Variants in ITIH1 observed in about 807,000 individuals in gnomAD.
ITIH1 encodes the protein inter-alpha-trypsin inhibitor heavy chain 1, also known as inter-alpha-trypsin inhibitor heavy chain H1.
Under a neutral mutation model 104.6 loss-of-function variants are expected in ITIH1, and 94 were observed. The ratio of observed to expected loss-of-function variants is 0.90; its 90% CI spans 0.76 to 1.07. The LOEUF is 1.07. Ranked by LOEUF, ITIH1 falls within the 50% of genes least tolerant of loss-of-function variation. ITIH1 has a pLI of 0.00. For missense variants in ITIH1, 1,193 were observed against 1,181.4 expected, an observed-to-expected ratio of 1.01 and a Z score of -0.14; for synonymous variants, 455 against 464.4, an observed-to-expected ratio of 0.98 and a Z score of 0.26.
intron 8 of ITIH1, among the ~76,000 whole-genome samples, 158 bp from the exon 9 acceptor site, chr3:52,782,799 G>C (rs1241161480): frequency 6.6e-6 from 1 of 151,846 alleles, no homozygotes; most frequent in Non-Finnish European, 1.5e-5. Flanking sequence ...CCACCCCAAG[G>C]CCCGGCAGGA....
Position 52,791,550 on chromosome 3 carries a change from C to T in ITIH1, c.2528C>T (p.Ser843Phe). Residue 843 changes from serine to phenylalanine, a missense_variant, in exon 21 of 22, where the codon TCT (serine) becomes TTT (phenylalanine). By Grantham distance (155) the Ser-to-Phe change is radical. Coordinates refer to ENST00000273283, the MANE Select transcript of ITIH1 (RefSeq NM_002215.4). ...QFFHPIGFEV[S>F]DIHPGSDPTK... ...TTCCACCCCATCGGTTTTGAAGTGT[C>T]TGACATCCACCCAGGCTCTGACCCC... 2 of 1,614,138 alleles carry T rather than the reference C, an allele frequency of 1.2e-6. No individual in the cohort carries two copies. Among genetic ancestry groups the T allele is most frequent in the Non-Finnish European group, 1.7e-6 (2 of 1,180,020 alleles).
Position 52,786,838 on chromosome 3 carries a change from TCGAA to T in ITIH1, c.1734-106_1734-103del, listed in dbSNP as rs1180217029. 10 of 1,254,944 alleles carry T rather than the reference TCGAA, an allele frequency of 8.0e-6. No individual in the cohort carries two copies. The East Asian group carries it at 1.2e-4, about 15-fold the overall frequency. 77.7% of individuals were successfully genotyped at this position (1,254,944 alleles called of 1,614,324 possible). On this transcript the variant is annotated intron_variant, in intron 13 of 21. Transcript: ENST00000273283. ...ACCATGGGGGCTTAATACTTATGTG[TCGAA>T]TGAATGAATGAATGAATGAATGAAT...
rs2154108094 is a variant in ITIH1, at chr3:52,778,426, G to T, written c.225G>T (p.Val75=). The change falls in exon 3 of 22, where the codon GTG becomes GTT. Residue 75 remains valine (V), a synonymous_variant. Transcript: ENST00000273283. The stretch of plus-strand genomic sequence containing the variant: ...CCCACTATGTTGTCACCAGCCAAGT[G>T]GTCAACACTGCCAATGAAGCCAGGG... ...RFAHYVVTSQ[V]VNTANEAREV... 1 of 1,614,236 alleles carries T rather than the reference G, an allele frequency of 6.2e-7. No individual in the cohort carries two copies. Among genetic ancestry groups the T allele is most frequent in the Non-Finnish European group, 8.5e-7 (1 of 1,180,046 alleles).
At chr3:52,782,536 G>A (rs1211146465) in intron 8 of ITIH1, among the ~76,000 whole-genome samples, 2 of 152,076 alleles carry the variant, frequency 1.3e-5, no homozygotes, top group Non-Finnish European at 1.5e-5. Flanking sequence ...TACCCCCTGG[G>A]GGAAGTGCTT....
At chr3:52,788,433 C>G in intron 18 of ITIH1, 88 bp downstream of exon 18, 1 of 869,376 alleles carries the variant, frequency 1.2e-6, no homozygotes, top group Non-Finnish European at 1.8e-6. Context: ...GGCCAAGGCC[C>G]TCACTGCCCT....
At chr3:52,780,415 C>A in intron 6 of ITIH1, 33 bp downstream of exon 6, 1 of 1,460,666 alleles carries the variant, frequency 6.8e-7, no homozygotes. Flanking sequence ...GGTGGTGGGC[C>A]CTTTGGAGAC....
chr3:52,786,848 GA>G, intron 13 of ITIH1, 96 bp from the exon 14 acceptor site: 1 of 1,334,424 alleles, frequency 7.5e-7, no homozygotes, highest in East Asian at 2.4e-5. Flanking sequence ...TCGAATGAAT[GA>G]ATGAATGAAT....
In ITIH1 at chr3:52,787,143, A is replaced by C. The variant is rs1441368259; in HGVS notation, c.1888+44A>C. On this transcript the variant is annotated intron_variant, in intron 14 of 21. Transcript: ENST00000273283. ...TACAGAAGGGAGAGGCCATGGGCCA[A>C]AAACCTCTGGGGCTCTAATTATTTT... 1.9e-6 allele frequency: 3 copies of C among 1,614,224 alleles called. No homozygotes were observed. In the South Asian group the frequency reaches 3.3e-5, roughly 18 times the overall value.
chr3:52,785,014 G>C, intron 11 of ITIH1, 30 bp from the exon 12 acceptor site: 2 of 1,611,662 alleles, frequency 1.2e-6, no homozygotes, highest in Non-Finnish European at 1.7e-6. Flanking sequence ...AGGGTGCTCA[G>C]CTCTAAGGCT....
In ITIH1 at chr3:52,783,334, C is replaced by G; in HGVS notation, c.1220C>G (p.Thr407Arg). 1.2e-6 allele frequency: 2 copies of G among 1,613,948 alleles called. No homozygotes were observed. Among genetic ancestry groups the G allele is most frequent in the Non-Finnish European group, 8.5e-7 (1 of 1,180,018 alleles). The change falls in exon 10 of 22, where the codon ACA (threonine) becomes AGA (arginine). Residue 407 changes from threonine (T) to arginine (R), a missense_variant. Transcript: ENST00000273283. ...ATCATGTTGACAGATGGCGATCCCA[C>G]AGAGGGTAAGCACCTTGGGGGCTGC... Reference protein sequence around the residue: ...ILIMLTDGDPTEGVTDRSQIL... With the variant: ...ILIMLTDGDPREGVTDRSQIL...
chr3:52,790,641 T>C, intron 19 of ITIH1, 108 bp from the exon 20 acceptor site: 3 of 1,088,392 alleles, frequency 2.8e-6, no homozygotes, highest in Non-Finnish European at 4.1e-6. Context: ...ATGAAGGCCA[T>C]GGGGTGGGGG....
Position 52,779,323 on chromosome 3 carries a change from C to G in ITIH1, c.411-109C>G. 8.2e-7 allele frequency: 1 copy of G among 1,222,848 alleles called. No homozygotes were observed. Among genetic ancestry groups the G allele is most frequent in the South Asian group, 1.3e-5 (1 of 75,928 alleles). 75.7% of individuals were successfully genotyped at this position (1,222,848 alleles called of 1,614,324 possible). ...TGTGAGGTCCAGGGAAACCTGGGAG[C>G]AACACTCATCTAAGAGAAATAAATT... On this transcript the variant is annotated intron_variant, in intron 4 of 21. Coordinates refer to ENST00000273283, the MANE Select transcript of ITIH1 (RefSeq NM_002215.4). The surrounding 1 kb of genome is among the most constrained non-coding windows in gnomAD (Gnocchi z 4.4).
intron 18 of ITIH1, 114 bp downstream of exon 18, chr3:52,788,459 C>T (rs188530182): frequency 2.7e-6 from 2 of 739,848 alleles, no homozygotes; most frequent in East Asian, 5.4e-5. Flanking sequence ...TGGGCACCAT[C>T]CACCTGGCTG....
rs148659769 is a variant in ITIH1, at chr3:52,784,427, G to A, written c.1357G>A (p.Gly453Arg). 2.1e-5 allele frequency: 34 copies of A among 1,614,040 alleles called. No individual in the cohort carries two copies. The highest frequency in any genetic ancestry group is 1.0e-4 in the Admixed American group (6 of 60,002). Residue 453 changes from glycine to arginine, a missense_variant, in exon 11 of 22, where the codon GGA becomes AGA. By Grantham distance (125) the Gly-to-Arg change is moderately radical. Transcript: ENST00000273283. ...GGAGGTCATGTCCATGGAGAACAAC[G>A]GACGGGCCCAGAGAATCTACGAGGA... ...FLEVMSMENN[G>R]RAQRIYEDHD...
At chr3:52,788,172 C>T in intron 17 of ITIH1, 60 bp from the exon 18 acceptor site, 1 of 1,520,498 alleles carries the variant, frequency 6.6e-7, no homozygotes, top group Non-Finnish European at 9.1e-7. Flanking sequence ...TGAACCCCAA[C>T]CCCTGGCCAG....
Position 52,777,725 on chromosome 3 carries a change from G to T in ITIH1, c.110G>T (p.Ser37Ile), listed in dbSNP as rs767919874. ...GGCTCGGCTACAGGCAGGTCCAAGA[G>T]CAGCGAGGTATATGGCTAAGCCCAC... The part of the protein sequence containing the change: ...ALGSATGRSK[S>I]SEKRQAVDTA... Residue 37 changes from serine (S) to isoleucine (I), a missense_variant, in exon 1 of 22, where the codon AGC becomes ATC. By Grantham distance (142) the Ser-to-Ile change is moderately radical. Coordinates refer to ENST00000273283, the MANE Select transcript of ITIH1 (RefSeq NM_002215.4). 1 of 1,584,928 alleles carries T rather than the reference G, an allele frequency of 6.3e-7. No individual in the cohort carries two copies. The highest frequency in any genetic ancestry group is 1.2e-5 in the South Asian group (1 of 86,254).
chr3:52,778,859 A>G (rs1698969843), intron 3 of ITIH1, 83 bp from the exon 4 acceptor site: 1 of 1,159,074 alleles, frequency 8.6e-7, no homozygotes, highest in Non-Finnish European at 1.3e-6. Flanking sequence ...GTCCTTATCC[A>G]AGGGCTCACA....
Position 52,785,069 on chromosome 3 carries a change from C to T in ITIH1, c.1433C>T (p.Pro478Leu), listed in dbSNP as rs529790167. The T allele has an allele frequency of 3.0e-5, 49 of 1,614,048 alleles. No individual in the cohort carries two copies. The South Asian group carries it at 4.5e-4, about 15-fold the overall frequency. The change falls in exon 12 of 22, where the codon CCC becomes CTC. Residue 478 changes from proline to leucine, a missense_variant. Physicochemically the swap from Pro to Leu is moderately conservative, Grantham distance 98. Transcript: ENST00000273283. Reference sequence around the variant, plus strand: ...GGTTTCTACAGCCAGGTAGCCAAACCCCTGCTGGTGGATGTGGATTTGCAG... The same window carrying T: ...GGTTTCTACAGCCAGGTAGCCAAACTCCTGCTGGTGGATGTGGATTTGCAG... ...LQGFYSQVAK[P>L]LLVDVDLQYP...
At chr3:52,778,893 T>C (rs1698971397) in intron 3 of ITIH1, 49 bp from the exon 4 acceptor site, 1 of 1,362,046 alleles carries the variant, frequency 7.3e-7, no homozygotes, top group Non-Finnish European at 1.1e-6. Flanking sequence ...TCAGGACCTG[T>C]GTGGTCAGGA....
Sources: gnomAD v4.1 joint callset for allele counts (sites outside exome capture counted in the v4.1 genomes callset) on GRCh38, gnomAD v4.1.1 for gene constraint, Gnocchi (gnomAD v3.1) non-coding constraint, MANE v1.5 for transcripts, NCBI Gene and HGNC (gene_info 2026-07-23, HGNC 2026-07-21) for gene names.